KCNH5: variants seen among roughly 807,000 people sequenced by gnomAD.
KCNH5 encodes voltage-gated delayed rectifier potassium channel KCNH5.
A neutral mutation model predicts 96.1 loss-of-function variants in KCNH5; 46 were observed. The observed-to-expected ratio is 0.48, with a 90% confidence interval of 0.38 to 0.61. The LOEUF (loss-of-function observed/expected upper bound fraction) is 0.61, where lower values mean the gene tolerates loss of function less well. KCNH5 is among the 20% of genes least tolerant of loss of function. KCNH5 has a pLI of 0.00. For missense variants in KCNH5, 907 were observed against 1,225.8 expected, an observed-to-expected ratio of 0.74 and a Z score of 3.88; for synonymous variants, 439 against 449.8, an observed-to-expected ratio of 0.98 and a Z score of 0.30.
chr14:62,732,766 G>C (rs1466588104), intron 10 of KCNH5, among the ~76,000 whole-genome samples: 2 of 152,092 alleles, frequency 1.3e-5, no homozygotes, highest in African/African-American at 2.4e-5. Context: ...GAAGACCAGG[G>C]TCTTTATTAT....
intron 9 of KCNH5, among the ~76,000 whole-genome samples, chr14:62,801,765 A>T (rs1361540662): frequency 6.6e-6 from 1 of 152,182 alleles, no homozygotes; most frequent in Non-Finnish European, 1.5e-5. Flanking sequence ...TTATACTGCG[A>T]TCACTCTGCT....
At chr14:62,843,020 G>T (rs1293773269) in intron 8 of KCNH5, among the ~76,000 whole-genome samples, 1 of 152,030 alleles carries the variant, frequency 6.6e-6, no homozygotes, top group Non-Finnish European at 1.5e-5. Context: ...ATCTTTTACT[G>T]GCAGACTGTG....
intron 10 of KCNH5, among the ~76,000 whole-genome samples, chr14:62,765,102 G>A (rs1286330922): frequency 1.3e-5 from 2 of 152,088 alleles, no homozygotes; most frequent in Non-Finnish European, 2.9e-5. Context: ...TGGAGGAATC[G>A]CACTACCTGA....
In KCNH5 at chr14:62,708,446, G is replaced by A. The variant is rs750874924; in HGVS notation, c.2029C>T (p.Arg677Cys). 7.5e-6 allele frequency: 12 copies of A among 1,589,662 alleles called. No individual in the cohort carries two copies. The South Asian group carries it at 8.9e-5, about 12-fold the overall frequency. Residue 677 changes from arginine (R) to cysteine (C), a missense_variant, in exon 11 of 11, where the codon CGT (arginine) becomes TGT (cysteine). Arg to Cys is a radical substitution (Grantham distance 180). Transcript: ENST00000322893. ...TCNLRKRIIF[R>C]KISDVKKEEE... The stretch of plus-strand genomic sequence containing the variant: ...TCTTTCTTCACATCACTGATCTTAC[G>A]AAAGATGATCTGTGGAACGGGAGAG...
At chr14:62,865,201 TCTTTACAAGG>T (rs1312314668) in intron 7 of KCNH5, among the ~76,000 whole-genome samples, 20 of 152,258 alleles carry the variant, frequency 1.3e-4, no homozygotes, top group Non-Finnish European at 1.5e-4. Context: ...CTTGATGTTT[TCTTTACAAGG>T]CTTGTTGGGT....
At chr14:62,850,204 T>A (rs1162973454) in intron 7 of KCNH5, among the ~76,000 whole-genome samples, 1 of 152,232 alleles carries the variant, frequency 6.6e-6, no homozygotes, top group Non-Finnish European at 1.5e-5. Flanking sequence ...ATTAAAGTTA[T>A]CCTCCACTTT....
intron 6 of KCNH5, among the ~76,000 whole-genome samples, chr14:62,951,041 A>G (rs1889995930): frequency 1.3e-5 from 2 of 152,186 alleles, no homozygotes; most frequent in Admixed American, 1.3e-4. Flanking sequence ...CTTACAGGCA[A>G]TCACACAGGA....
intron 7 of KCNH5, among the ~76,000 whole-genome samples, chr14:62,905,028 T>A (rs563519947): frequency 2.3e-4 from 35 of 152,188 alleles, no homozygotes; most frequent in Non-Finnish European, 4.7e-4. Context: ...GTGTATTTCT[T>A]CAGTATTGCC....
At chr14:62,995,544 T>C (rs1412176517) in intron 4 of KCNH5, among the ~76,000 whole-genome samples, 2 of 152,140 alleles carry the variant, frequency 1.3e-5, no homozygotes, top group African/African-American at 2.4e-5. Flanking sequence ...TTTGACTAAA[T>C]ATGAGTGGAT....
chr14:63,018,736 T>A (rs907243924), intron 1 of KCNH5, among the ~76,000 whole-genome samples: 2 of 152,024 alleles, frequency 1.3e-5, no homozygotes, highest in Non-Finnish European at 2.9e-5. Flanking sequence ...TGCCTGATTT[T>A]TAAAAAAATG....
In KCNH5 at chr14:62,764,984, C is replaced by T. The variant is rs376794509; in HGVS notation, c.2019+14744G>A. ...TAGATTCAACGCTATTTCCATCAAA[C>T]TTCCAATGATATTTTTCACAGAATT... On this transcript the variant is annotated intron_variant, in intron 10 of 10. Transcript: ENST00000322893. Among the ~76,000 whole-genome samples, 218 of 152,200 alleles carry T rather than the reference C, an allele frequency of 1.4e-3. 1 individual carries two copies. Among genetic ancestry groups the T allele is most frequent in the African/African-American group, 5.0e-3 (209 of 41,522 alleles).
Position 62,950,562 on chromosome 14 carries a change from G to T in KCNH5, c.943-3C>A. ...GAACTGAAGAGACTGCTGATTCCCT[G>T]GATTTAAAAAAAAAAAAAAAATTAC... On this transcript the variant is annotated splice_region_variant and splice_polypyrimidine_tract_variant and intron_variant, in intron 6 of 10. Transcript: ENST00000322893. 1.4e-6 allele frequency: 2 copies of T among 1,464,258 alleles called. No individual in the cohort carries two copies. The highest frequency in any genetic ancestry group is 1.5e-5 in the African/African-American group (1 of 68,132). 90.7% of individuals were successfully genotyped at this position (1,464,258 alleles called of 1,614,324 possible). A position where few individuals can be genotyped will look rare whatever the true frequency, so the allele number is the denominator to read the frequency against.
rs187445046 is a variant in KCNH5 at position 62,733,051 on chromosome 14, C to T, written c.2020-24596G>A. On this transcript the variant is annotated intron_variant, in intron 10 of 10. Coordinates refer to ENST00000322893, the MANE Select transcript of KCNH5 (RefSeq NM_139318.5). ...CCCATGCATAGTTTACTATTACTTA[C>T]ATAGGAAAACCATAAGGACTGTCCA... Among the ~76,000 whole-genome samples, 869 of 152,156 alleles carry T rather than the reference C, an allele frequency of 5.7e-3. 7 individuals are homozygous for T. The highest frequency in any genetic ancestry group is 8.9e-3 in the Non-Finnish European group (605 of 68,012).
At chr14:62,710,201 A>G (rs896578251) in intron 10 of KCNH5, among the ~76,000 whole-genome samples, 2 of 152,246 alleles carry the variant, frequency 1.3e-5, no homozygotes, top group Admixed American at 6.5e-5. Flanking sequence ...AGGTAAGAGT[A>G]CATTTTCTAA....
chr14:62,808,193 T>C lies in KCNH5; in HGVS notation c.1570-5612A>G, dbSNP rs538752120. On this transcript the variant is annotated intron_variant, in intron 8 of 10. Transcript: ENST00000322893. Reference sequence around the variant, plus strand: ...GTGTAAGGAAAGTGGAATGGACTTTTGGTAAAAGATTCTAAGAAGGCCTGG... The same window carrying C: ...GTGTAAGGAAAGTGGAATGGACTTTCGGTAAAAGATTCTAAGAAGGCCTGG... Among the ~76,000 whole-genome samples the C allele has an allele frequency of 2.6e-5, 4 of 152,300 alleles. No individual in the cohort carries two copies. In the East Asian group the frequency reaches 5.8e-4, roughly 22 times the overall value.
At chr14:63,000,844 G>C (rs1007740537) in intron 4 of KCNH5, among the ~76,000 whole-genome samples, 4 of 152,136 alleles carry the variant, frequency 2.6e-5, no homozygotes, top group Non-Finnish European at 4.4e-5. Context: ...GAGGCCAAGG[G>C]GGGTCAGATA....
At chr14:62,765,587 A>G (rs768677921) in intron 10 of KCNH5, among the ~76,000 whole-genome samples, 1 of 152,228 alleles carries the variant, frequency 6.6e-6, no homozygotes, top group Non-Finnish European at 1.5e-5. Context: ...CAGACAACGT[A>G]CATAATGAGA....
chr14:62,765,644 A>G (rs779048162), intron 10 of KCNH5, among the ~76,000 whole-genome samples: 2 of 152,190 alleles, frequency 1.3e-5, no homozygotes, highest in Non-Finnish European at 2.9e-5. Flanking sequence ...AATATCCAGA[A>G]TCTAAAAGGA....
At chr14:62,972,315 G>GT (rs1314841124) in intron 6 of KCNH5, among the ~76,000 whole-genome samples, 2 of 152,108 alleles carry the variant, frequency 1.3e-5, no homozygotes, top group Non-Finnish European at 2.9e-5. Flanking sequence ...CTACACACCT[G>GT]TTAGAATAGT....
Sources: gnomAD v4.1 joint callset for allele counts (sites outside exome capture counted in the v4.1 genomes callset) on GRCh38, gnomAD v4.1.1 for gene constraint, MANE v1.5 for transcripts, NCBI Gene and HGNC (gene_info 2026-07-23, HGNC 2026-07-21) for gene names.